CCT6B: variants seen among roughly 807,000 people sequenced by gnomAD.
The protein encoded by CCT6B is probable T-complex protein 1 subunit zeta-2.
CCT6B carries 49 observed loss-of-function variants against 61.5 expected under a neutral mutation model. The ratio of observed to expected loss-of-function variants is 0.80; its 90% confidence interval spans 0.63 to 1.01. CCT6B has a LOEUF of 1.01. Ranked by LOEUF, CCT6B falls within the 50% of genes least tolerant of loss-of-function variation. CCT6B has a pLI of 0.00. For missense variants in CCT6B, 666 were observed against 634.7 expected, an observed-to-expected ratio of 1.05 and a Z score of -0.53; for synonymous variants, 228 against 214.5, an observed-to-expected ratio of 1.06 and a Z score of -0.55.
At position 34,928,983 on chromosome 17, in the gene CCT6B, T is replaced by G. The variant is rs1216316865; in HGVS notation, c.1502A>C (p.Lys501Thr). The G allele has an allele frequency of 6.2e-7, 1 of 1,606,672 alleles. No homozygotes were observed. Among genetic ancestry groups the G allele is most frequent in the South Asian group, 1.1e-5 (1 of 90,274 alleles). Residue 501 changes from lysine to threonine, a missense_variant, in exon 13 of 14, where the codon AAA becomes ACA. Physicochemically the swap from Lys to Thr is moderately conservative, Grantham distance 78. Transcript: ENST00000314144. ...TTACCAAGAGTGAAGAAGTTGTTTT[T>G]TTACACAATAATTATCCCAAACTCC... Reference protein sequence around the residue: ...DAGVWDNYCVKKQLLHSCTVI... With the variant: ...DAGVWDNYCVTKQLLHSCTVI...
chr17:34,944,009 A>G (rs1348768642), intron 5 of CCT6B: 5 of 152,060 alleles, frequency 3.3e-5, no homozygotes, highest in African/African-American at 1.2e-4. Flanking sequence ...CTTTATAACT[A>G]ATTTTTGTTA....
At chr17:34,941,057 T>G (rs1344688131) in intron 7 of CCT6B, among the ~76,000 whole-genome samples, 1 of 152,148 alleles carries the variant, frequency 6.6e-6, no homozygotes, top group Non-Finnish European at 1.5e-5. Context: ...AGATAAATAT[T>G]GTAAAGGGAG....
intron 3 of CCT6B, among the ~76,000 whole-genome samples, chr17:34,955,037 A>T (rs977107803): frequency 5.3e-5 from 8 of 152,236 alleles, no homozygotes; most frequent in Non-Finnish European, 8.8e-5. Flanking sequence ...GACATGATGC[A>T]TTCAGTAGAA....
intron 10 of CCT6B, among the ~76,000 whole-genome samples, chr17:34,938,160 A>T (rs145821781): frequency 6.6e-6 from 1 of 152,234 alleles, no homozygotes; most frequent in African/African-American, 2.4e-5. Flanking sequence ...AAAGTGCTGG[A>T]ATTACAGGTG....
At chr17:34,928,837 C>T (rs193110557) in intron 13 of CCT6B, 125 bp downstream of exon 13, 14 of 553,578 alleles carry the variant, frequency 2.5e-5, no homozygotes, top group Middle Eastern at 4.7e-4. Context: ...TAACTGAATA[C>T]CACACCTTTC....
At chr17:34,947,710 G>C (rs561153080) in intron 5 of CCT6B, among the ~76,000 whole-genome samples, 6 of 152,206 alleles carry the variant, frequency 3.9e-5, no homozygotes, top group African/African-American at 1.4e-4. Flanking sequence ...GGCTGGGCGC[G>C]GTGGCTCACA....
At chr17:34,942,712 A>C in intron 6 of CCT6B, 69 bp from the exon 7 acceptor site, 1 of 1,490,458 alleles carries the variant, frequency 6.7e-7, no homozygotes, top group Non-Finnish European at 9.2e-7. Flanking sequence ...AGTAGTCTAC[A>C]CCAAACATCT....
At chr17:34,932,899 A>G (rs945687241) in intron 10 of CCT6B, among the ~76,000 whole-genome samples, 1 of 151,970 alleles carries the variant, frequency 6.6e-6, no homozygotes, top group Admixed American at 6.6e-5. Context: ...CTCCTACCTC[A>G]GCCTTCTAAG....
chr17:34,934,549 A>T (rs1223617806), intron 10 of CCT6B, among the ~76,000 whole-genome samples: 1 of 152,220 alleles, frequency 6.6e-6, no homozygotes, highest in Non-Finnish European at 1.5e-5. Context: ...GTAGTTGATG[A>T]TCCTAACTTA....
intron 10 of CCT6B, among the ~76,000 whole-genome samples, chr17:34,933,540 A>G (rs2090059865): frequency 6.6e-6 from 1 of 152,168 alleles, no homozygotes; most frequent in Admixed American, 6.5e-5. Flanking sequence ...CCTCCCATTC[A>G]CATTTTTTAA....
At chr17:34,934,730 G>A (rs972076826) in intron 10 of CCT6B, among the ~76,000 whole-genome samples, 1 of 152,096 alleles carries the variant, frequency 6.6e-6, no homozygotes, top group African/African-American at 2.4e-5. Context: ...CAACATTTAA[G>A]AAAGAAATAA....
At chr17:34,932,927 G>A (rs11655324) in intron 10 of CCT6B, among the ~76,000 whole-genome samples, 31,288 of 151,828 alleles carry the variant, frequency 0.21, 3,780 homozygotes, top group East Asian at 0.56. Context: ...AATTACAGGC[G>A]TGCACCACCA....
intron 5 of CCT6B, among the ~76,000 whole-genome samples, chr17:34,948,121 T>C (rs574494928): frequency 6.6e-6 from 1 of 152,260 alleles, no homozygotes; most frequent in East Asian, 1.9e-4. Context: ...TTAGTGGTGA[T>C]TTCTTAGATT....
At chr17:34,951,102 A>G (rs1460192545) in intron 5 of CCT6B, among the ~76,000 whole-genome samples, 3 of 152,216 alleles carry the variant, frequency 2.0e-5, no homozygotes, top group East Asian at 1.9e-4. Context: ...ACTAAAAGAG[A>G]TATCACCTAA....
chr17:34,933,700 A>T (rs1286892254), intron 10 of CCT6B, among the ~76,000 whole-genome samples: 1 of 152,196 alleles, frequency 6.6e-6, no homozygotes, highest in Non-Finnish European at 1.5e-5. Flanking sequence ...CCCTGATCCC[A>T]TTCTCTGTGA....
At chr17:34,951,319 T>C (rs995472589) in intron 5 of CCT6B, among the ~76,000 whole-genome samples, 4 of 152,186 alleles carry the variant, frequency 2.6e-5, no homozygotes, top group South Asian at 2.1e-4. Flanking sequence ...ACAGGTGGTA[T>C]ATGATGTCTG....
chr17:34,952,947 C>T (rs1427052205), intron 4 of CCT6B, among the ~76,000 whole-genome samples: 1 of 152,058 alleles, frequency 6.6e-6, no homozygotes, highest in African/African-American at 2.4e-5. Flanking sequence ...AGATTTGGGG[C>T]CATTCAAGTA....
rs770067725 is a variant in CCT6B at position 34,942,859 on chromosome 17, A to G, written c.662T>C (p.Met221Thr). The change falls in exon 6 of 14, where the codon ATG (methionine) becomes ACG (threonine). Residue 221 changes from methionine (M) to threonine (T), a missense_variant. By Grantham distance (81) the Met-to-Thr change is moderately conservative. Coordinates refer to ENST00000314144, the MANE Select transcript of CCT6B (RefSeq NM_006584.4). ...VLDHGARHPD[M>T]KKRVEDAFIL... ...AAATGCATCTTCTACTCGCTTCTTC[A>G]TATCTGGATGACGGGCACCATGATC... 2.5e-6 allele frequency: 4 copies of G among 1,611,544 alleles called. No individual in the cohort carries two copies. In the Admixed American group the frequency reaches 5.0e-5, roughly 20 times the overall value.
At position 34,951,973 on chromosome 17, in the gene CCT6B, C is replaced by T. The variant is rs1221246835; in HGVS notation, c.591G>A (p.Lys197=). The change falls in exon 5 of 14, where the codon AAG becomes AAA. Residue 197 remains lysine, a synonymous_variant. Transcript: ENST00000314144. ...DLFMVEIMEM[K]HKLGTDTKLI... ...ACTTTGTATCTGTTCCTAATTTATG[C>T]TTCATCTCCATTATTTCTACCATGA... is the stretch of plus-strand genomic sequence containing the variant. 1 of 1,594,664 alleles carries T rather than the reference C, an allele frequency of 6.3e-7. No homozygotes were observed. Among genetic ancestry groups the T allele is most frequent in the Admixed American group, 1.7e-5 (1 of 59,294 alleles).
Sources: allele counts gnomAD v4.1 joint callset (sites outside exome capture counted in the v4.1 genomes callset), GRCh38; gene constraint gnomAD v4.1.1; transcripts MANE v1.5; gene names NCBI Gene and HGNC (gene_info 2026-07-23, HGNC 2026-07-21).